OLFM3: variants seen among roughly 807,000 people sequenced by gnomAD.
OLFM3 encodes olfactomedin 3, also known as noelin-3.
In OLFM3, 20 loss-of-function variants were observed where a neutral mutation model predicts 48.6. That is an observed-to-expected ratio of 0.41 (90% CI 0.29 to 0.60). The LOEUF is 0.60. Ranked by LOEUF, OLFM3 falls within the 20% of genes least tolerant of loss-of-function variation. OLFM3 has a pLI of 0.28. For synonymous variants in OLFM3, 222 were observed against 198.1 expected, an observed-to-expected ratio of 1.12 and a Z score of -1.01; for missense variants, 437 against 544.3, an observed-to-expected ratio of 0.80 and a Z score of 1.96.
intron 1 of OLFM3, among the ~76,000 whole-genome samples, chr1:101,851,008 C>G (rs1265188275): frequency 6.6e-6 from 1 of 151,914 alleles, no homozygotes. Context: ...CCAGAGTGAC[C>G]TCTAGAAAAA....
chr1:101,831,922 A>C (rs1187488806), intron 2 of OLFM3, among the ~76,000 whole-genome samples: 1 of 152,170 alleles, frequency 6.6e-6, no homozygotes, highest in African/African-American at 2.4e-5. Context: ...GTTTTTTGTG[A>C]GACGGAGTCT....
intron 1 of OLFM3, among the ~76,000 whole-genome samples, chr1:101,840,146 G>T (rs1471191524): frequency 6.6e-6 from 1 of 152,118 alleles, no homozygotes; most frequent in African/African-American, 2.4e-5. Context: ...GTATTTAGAA[G>T]TTTTTTGGAA....
At chr1:101,994,349 A>G (rs1221923553) in intron 1 of OLFM3, among the ~76,000 whole-genome samples, 1 of 151,062 alleles carries the variant, frequency 6.6e-6, no homozygotes, top group Non-Finnish European at 1.5e-5. Context: ...AAGTGTTATC[A>G]CAAATTATTT....
At chr1:101,939,227 G>A (rs561129953) in intron 1 of OLFM3, among the ~76,000 whole-genome samples, 9 of 152,226 alleles carry the variant, frequency 5.9e-5, no homozygotes, top group South Asian at 4.2e-4. Context: ...CGTCGCTTGC[G>A]TTTCTACTTG....
intron 1 of OLFM3, among the ~76,000 whole-genome samples, chr1:101,929,703 AAAAT>A (rs1422626951): frequency 6.6e-6 from 1 of 152,166 alleles, no homozygotes; most frequent in East Asian, 1.9e-4. Context: ...TCTGCCACAC[AAAAT>A]AAATTAAATT....
At chr1:101,958,353 A>G (rs1660360389) in intron 1 of OLFM3, among the ~76,000 whole-genome samples, 1 of 152,026 alleles carries the variant, frequency 6.6e-6, no homozygotes, top group Non-Finnish European at 1.5e-5. Context: ...GTTCTTTTCT[A>G]CACTGTGAGG....
intron 1 of OLFM3, among the ~76,000 whole-genome samples, chr1:101,972,437 T>C (rs1214002867): frequency 6.6e-6 from 1 of 152,230 alleles, no homozygotes; most frequent in Non-Finnish European, 1.5e-5. Flanking sequence ...TACTTTCCAG[T>C]TGATTATCTT....
chr1:101,945,041 T>C (rs1003786196), intron 1 of OLFM3, among the ~76,000 whole-genome samples: 1 of 152,180 alleles, frequency 6.6e-6, no homozygotes. Flanking sequence ...ATTGACAATA[T>C]CAAGTTTTGG....
chr1:101,917,416 C>G lies in OLFM3; in HGVS notation c.69+79332G>C, dbSNP rs1658962562. Among the ~76,000 whole-genome samples, 3 of 147,498 alleles carry G rather than the reference C, an allele frequency of 2.0e-5. No homozygotes were observed. In the South Asian group the frequency reaches 6.4e-4, roughly 32 times the overall value. On this transcript the variant is annotated intron_variant, in intron 1 of 5. Transcript: ENST00000370103. ...AAAAATAAAAGCCATAAATATATGG[C>G]CATATATATATATATTTTGAGACTG... is the stretch of plus-strand genomic sequence containing the variant.
chr1:101,897,438 G>C (rs1658244933), intron 1 of OLFM3, among the ~76,000 whole-genome samples: 1 of 152,118 alleles, frequency 6.6e-6, no homozygotes, highest in Non-Finnish European at 1.5e-5. Context: ...GCAATGCTAA[G>C]TGAACGCTAC....
At chr1:101,963,689 C>CT (rs36026779) in intron 1 of OLFM3, among the ~76,000 whole-genome samples, 30 of 152,196 alleles carry the variant, frequency 2.0e-4, no homozygotes, top group Non-Finnish European at 3.1e-4. Context: ...CCTTTCTATC[C>CT]TTTTTATATC....
intron 1 of OLFM3, among the ~76,000 whole-genome samples, chr1:101,985,807 T>C (rs1199958465): frequency 1.3e-5 from 2 of 152,294 alleles, no homozygotes; most frequent in African/African-American, 4.8e-5. Context: ...ATTTTGTGTG[T>C]GTGTCACTAT....
rs1278430464 is a variant in OLFM3, at chr1:101,943,559, TAGAG to T, written c.69+53185_69+53188del. ...TTAAACACAAGGAGTTACCCTGAAT[TAGAG>T]AGAAACGTGATGATTCTCTTGAAGA... On this transcript the variant is annotated intron_variant, in intron 1 of 5. Coordinates refer to ENST00000370103, the MANE Select transcript of OLFM3 (RefSeq NM_058170.4). 3.9e-5 allele frequency among the ~76,000 whole-genome samples: 6 copies of T among 152,206 alleles called. 1 individual carries two copies. Among genetic ancestry groups the T allele is most frequent in the African/African-American group, 1.4e-4 (6 of 41,428 alleles).
chr1:101,806,919 C>T (rs992356104), intron 4 of OLFM3, among the ~76,000 whole-genome samples: 4 of 151,668 alleles, frequency 2.6e-5, no homozygotes, highest in South Asian at 2.1e-4. Flanking sequence ...GCCCAGCCCA[C>T]CTGTGAATAA....
intron 1 of OLFM3, among the ~76,000 whole-genome samples, chr1:101,951,404 C>T (rs760816605): frequency 6.6e-6 from 1 of 152,036 alleles, no homozygotes; most frequent in Non-Finnish European, 1.5e-5. Flanking sequence ...TCTCAATATT[C>T]CTGGTGTATG....
intron 1 of OLFM3, among the ~76,000 whole-genome samples, chr1:101,845,937 CT>C (rs1241038438): frequency 1.3e-5 from 2 of 152,210 alleles, no homozygotes; most frequent in Admixed American, 1.3e-4. Context: ...CCATATCTGA[CT>C]TTTTCTGATC....
chr1:101,854,912 G>A (rs564729375), intron 1 of OLFM3, among the ~76,000 whole-genome samples: 1 of 152,094 alleles, frequency 6.6e-6, no homozygotes, highest in Admixed American at 6.6e-5. Context: ...TACATAGAAA[G>A]CCCTGTTATA....
intron 1 of OLFM3, among the ~76,000 whole-genome samples, chr1:101,842,146 G>A (rs189732831): frequency 5.3e-4 from 80 of 152,176 alleles, no homozygotes; most frequent in Non-Finnish European, 8.2e-4. Context: ...TAAGAAACGC[G>A]TATTCTTCAC....
chr1:101,859,205 T>C (rs1345842541), intron 1 of OLFM3, among the ~76,000 whole-genome samples: 4 of 152,186 alleles, frequency 2.6e-5, no homozygotes, highest in Admixed American at 6.5e-5. Context: ...AAAGAGAAGA[T>C]TAAACATTGC....
Sources: gnomAD v4.1 joint callset for allele counts (sites outside exome capture counted in the v4.1 genomes callset) on GRCh38, gnomAD v4.1.1 for gene constraint, MANE v1.5 for transcripts, NCBI Gene and HGNC (gene_info 2026-07-23, HGNC 2026-07-21) for gene names.